Variants in CREBBP observed in about 807,000 individuals in gnomAD.
The protein encoded by CREBBP is CREB-binding protein.
CREBBP carries 19 observed loss-of-function variants against 265.0 expected under a neutral mutation model. The observed-to-expected ratio is 0.07, with a 90% CI of 0.05 to 0.11. The LOEUF is 0.11. Among genes scored for constraint, CREBBP ranks in the 10% least tolerant of loss-of-function variants. CREBBP has a pLI of 1.00. For synonymous variants in CREBBP, 1,457 were observed against 1,223.7 expected (o/e 1.19, Z -3.98); for missense variants, 2,525 against 3,219.0 (o/e 0.78, Z 5.22).
intron 22 of CREBBP, 140 bp downstream of exon 22, chr16:3,745,137 C>T: frequency 1.0e-6 from 1 of 971,436 alleles, no homozygotes; most frequent in East Asian, 2.6e-5. Flanking sequence ...ACGCTTAGAA[C>T]TTAAATTTAG....
rs74005852 is a variant in CREBBP at position 3,735,826 on chromosome 16, C to T, written c.4728+210G>A. Among the ~76,000 whole-genome samples the T allele has an allele frequency of 0.019, 2,868 of 152,240 alleles. 74 individuals carry two copies. Among genetic ancestry groups the T allele is most frequent in the African/African-American group, 0.064 (2,670 of 41,532 alleles). ...CTTCCCTCTCCGAGTCTAAGTGGAC[C>T]CCCAGCTCCCCAGAGCATCCACTGT... On this transcript the variant is annotated intron_variant, in intron 28 of 30. Transcript: ENST00000262367.
chr16:3,736,244 C>T (rs373715523), intron 27 of CREBBP, 41 bp from the exon 28 acceptor site: 21 of 1,593,504 alleles, frequency 1.3e-5, no homozygotes, highest in Admixed American at 3.3e-5. Flanking sequence ...GGGCCATGCA[C>T]GCGTGCCCCC....
At chr16:3,779,023 T>A (rs2053211666) in intron 8 of CREBBP, among the ~76,000 whole-genome samples, 1 of 151,730 alleles carries the variant, frequency 6.6e-6, no homozygotes, top group African/African-American at 2.4e-5. Flanking sequence ...AAAAATTAGC[T>A]GGGCATGGTG....
chr16:3,800,172 G>A (rs2053684108), intron 3 of CREBBP, among the ~76,000 whole-genome samples: 1 of 152,202 alleles, frequency 6.6e-6, no homozygotes, highest in Non-Finnish European at 1.5e-5. Context: ...AGGCTGAAGT[G>A]AAGTAGTGCA....
At chr16:3,877,433 C>CA (rs1301438812) in intron 1 of CREBBP, among the ~76,000 whole-genome samples, 1 of 152,238 alleles carries the variant, frequency 6.6e-6, no homozygotes, top group Non-Finnish European at 1.5e-5. Flanking sequence ...GACAGCGTCT[C>CA]ACTCCATTAC....
chr16:3,807,944 C>T (rs534938570), intron 3 of CREBBP, among the ~76,000 whole-genome samples: 101 of 152,264 alleles, frequency 6.6e-4, no homozygotes, highest in African/African-American at 2.4e-3. Context: ...TGGTGTCATT[C>T]AGTTTACCCC....
In CREBBP at chr16:3,835,060, G is replaced by A. The variant is rs1253030401; in HGVS notation, c.798+15237C>T. Among the ~76,000 whole-genome samples the A allele has an allele frequency of 2.0e-5, 3 of 152,282 alleles. No individual in the cohort carries two copies. In the East Asian group the frequency reaches 5.8e-4, roughly 29 times the overall value. On this transcript the variant is annotated intron_variant, in intron 2 of 30. Transcript: ENST00000262367. Reference sequence around the variant, plus strand: ...GTAGTTCCAGCTACTAAGGGAGGCTGAGGCAGGAGAATGGCATGAACCCGG... The same window carrying A: ...GTAGTTCCAGCTACTAAGGGAGGCTAAGGCAGGAGAATGGCATGAACCCGG...
chr16:3,842,486 A>C (rs1348720076), intron 2 of CREBBP, among the ~76,000 whole-genome samples: 1 of 152,166 alleles, frequency 6.6e-6, no homozygotes, highest in Non-Finnish European at 1.5e-5. Context: ...CATAAGACGA[A>C]ATGTTAAGTT....
At chr16:3,853,526 C>T (rs1175869129) in intron 1 of CREBBP, among the ~76,000 whole-genome samples, 4 of 152,158 alleles carry the variant, frequency 2.6e-5, no homozygotes, top group African/African-American at 4.8e-5. Context: ...AGGAGAATGG[C>T]GTGAACCCAG....
intron 2 of CREBBP, among the ~76,000 whole-genome samples, chr16:3,815,529 T>TAAAAA (rs2054020546): frequency 1.1e-5 from 1 of 94,632 alleles, no homozygotes; most frequent in Non-Finnish European, 2.0e-5. Flanking sequence ...AGACTCCATC[T>TAAAAA]CAAAAAAAAA....
intron 6 of CREBBP, 120 bp downstream of exon 6, chr16:3,782,564 T>A (rs2053296096): frequency 7.5e-7 from 1 of 1,338,302 alleles, no homozygotes; most frequent in Non-Finnish European, 1.0e-6. Context: ...GGAGATTTTT[T>A]ATTTCAACCA....
chr16:3,829,559 GA>G (rs2054301846), intron 2 of CREBBP, among the ~76,000 whole-genome samples: 1 of 152,178 alleles, frequency 6.6e-6, no homozygotes, highest in African/African-American at 2.4e-5. Flanking sequence ...GGAGTTTCAA[GA>G]TCTTGCTGAA....
rs549083162 is a variant in CREBBP at position 3,834,830 on chromosome 16, G to A, written c.798+15467C>T. ...CTCTGTACCTTCATTTCATTGTGAA[G>A]CTCAAACTACTCTAAAAAAACCCAA... On this transcript the variant is annotated intron_variant, in intron 2 of 30. Transcript: ENST00000262367. Among the ~76,000 whole-genome samples the A allele has an allele frequency of 9.2e-5, 14 of 152,238 alleles. No homozygotes were observed. In the South Asian group the frequency reaches 2.9e-3, roughly 32 times the overall value.
intron 16 of CREBBP, chr16:3,767,199 C>T (rs916533331): frequency 4.3e-5 from 7 of 162,386 alleles, no homozygotes; most frequent in African/African-American, 1.2e-4. Flanking sequence ...CCTACCCCTC[C>T]CCCATGTCTC....
intron 19 of CREBBP, among the ~76,000 whole-genome samples, chr16:3,754,181 T>C (rs11864074): frequency 0.037 from 5,655 of 152,174 alleles, 359 homozygotes; most frequent in African/African-American, 0.13. Context: ...AAATGGACAA[T>C]TTAGCCTGTT....
intron 19 of CREBBP, among the ~76,000 whole-genome samples, chr16:3,756,040 TAGA>T (rs2052578704): frequency 2.0e-5 from 3 of 152,058 alleles, no homozygotes; most frequent in Non-Finnish European, 4.4e-5. Flanking sequence ...AAAAAAAACA[TAGA>T]AGAATTAAAA....
rs777960062 is a variant in CREBBP at position 3,782,764 on chromosome 16, G to A, written c.1493C>T (p.Thr498Met). The change falls in exon 6 of 31, where the codon ACG becomes ATG. Residue 498 changes from threonine to methionine, a missense_variant. Thr to Met is a moderately conservative substitution (Grantham distance 81). This residue lies in a region of CREBBP where 144 missense variants were observed against 134.0 expected (regional missense o/e 1.07). Coordinates refer to ENST00000262367, the MANE Select transcript of CREBBP (RefSeq NM_004380.3). ...GCCAGGAACCTGAGGCTGCAGCTGC[G>A]TCTGGGGCTGGTTCATGTAGGGGAG... ...LGLPYMNQPQTQLQPQVPGQQ... is the reference protein window; with the variant it reads ...LGLPYMNQPQMQLQPQVPGQQ... 1.4e-5 allele frequency: 23 copies of A among 1,614,052 alleles called. No individual in the cohort carries two copies. The highest frequency in any genetic ancestry group is 1.8e-5 in the Non-Finnish European group (21 of 1,180,046).
rs180859389 is a variant in CREBBP, at chr16:3,858,054, G to A, written c.86-7045C>T. Among the ~76,000 whole-genome samples, 112 of 152,292 alleles carry A rather than the reference G, an allele frequency of 7.4e-4. 1 individual carries two copies. The highest frequency in any genetic ancestry group is 2.1e-4 in the Non-Finnish European group (14 of 68,026). On this transcript the variant is annotated intron_variant, in intron 1 of 30. Transcript: ENST00000262367. ...ACTTCTATACTAGGAAACCCAAGCC[G>A]GTGGTCTGCATGCAGACTGTTAGGT...
At chr16:3,844,748 T>C (rs1165385879) in intron 2 of CREBBP, among the ~76,000 whole-genome samples, 3 of 152,120 alleles carry the variant, frequency 2.0e-5, no homozygotes, top group Non-Finnish European at 4.4e-5. Flanking sequence ...GATAACCCCA[T>C]AAAGCAGCCA....
Sources: gnomAD v4.1 joint callset for allele counts (sites outside exome capture counted in the v4.1 genomes callset) on GRCh38, gnomAD v4.1.1 for gene constraint, gnomAD v4.1.1 regional missense constraint, MANE v1.5 for transcripts, NCBI Gene and HGNC (gene_info 2026-07-23, HGNC 2026-07-21) for gene names.